Variants in GALNT16 observed in about 807,000 individuals in gnomAD.
GALNT16 encodes the protein UDP-GalNAc:polypeptide N-acetylgalactosaminyltransferase-like protein 1.
GALNT16 carries 40 observed loss-of-function variants against 76.1 expected under a neutral mutation model. The observed-to-expected ratio is 0.53, with a 90% CI of 0.41 to 0.68. The LOEUF is 0.68. GALNT16 is among the 30% of genes least tolerant of loss of function. The probability of loss-of-function intolerance (pLI) is 0.00; values close to 1 mark genes in which losing one functional copy is unlikely to be tolerated. For synonymous variants in GALNT16, 276 were observed against 285.2 expected (o/e 0.97, Z 0.32); for missense variants, 621 against 731.9 (o/e 0.85, Z 1.75).
chr14:69,298,315 C>T (rs1257489227), intron 1 of GALNT16, among the ~76,000 whole-genome samples: 1 of 152,216 alleles, frequency 6.6e-6, no homozygotes, highest in Admixed American at 6.5e-5. Context: ...CCTCTCTCTG[C>T]CCCTGGAGGG....
chr14:69,363,178 C>T, the GALNT16 span, among the ~76,000 whole-genome samples: 125 of 152,294 alleles, frequency 8.2e-4, 1 homozygote, highest in African/African-American at 2.9e-3. Flanking sequence ...ATGCAGGCTG[C>T]GGAGACAGTC....
chr14:69,330,529 T>C (rs1245525961), intron 6 of GALNT16, among the ~76,000 whole-genome samples: 1 of 152,082 alleles, frequency 6.6e-6, no homozygotes, highest in Non-Finnish European at 1.5e-5. Context: ...CAAAAAAAAG[T>C]CTATAAAAAG....
At chr14:69,372,442 A>G in the GALNT16 span, among the ~76,000 whole-genome samples, 1 of 151,210 alleles carries the variant, frequency 6.6e-6, no homozygotes, top group Admixed American at 6.6e-5. Flanking sequence ...CCATTCACAC[A>G]TAGGTCACAA....
At chr14:69,366,797 C>T in the GALNT16 span, among the ~76,000 whole-genome samples, 1 of 152,142 alleles carries the variant, frequency 6.6e-6, no homozygotes, top group African/African-American at 2.4e-5. Flanking sequence ...ATGTTGAGAA[C>T]CTATGATTTA....
chr14:69,313,851 C>T (rs181203374), intron 1 of GALNT16, among the ~76,000 whole-genome samples: 1 of 152,334 alleles, frequency 6.6e-6, no homozygotes, highest in East Asian at 1.9e-4. Context: ...CTGGTCAATA[C>T]AAATATAGGC....
In GALNT16 at chr14:69,352,242, A is replaced by C. The variant is rs2045647331; in HGVS notation, c.*74A>C. ...GAAGGGGGTTAGGGTGGGGGAGTGC[A>C]AAGTGGGCTGTTCCCATCTCCTCAC... On this transcript the variant is annotated 3_prime_UTR_variant, in exon 15 of 15. Coordinates refer to ENST00000448469, the MANE Select transcript of GALNT16 (RefSeq NM_001168368.2). 15 of 1,315,960 alleles carry C rather than the reference A, an allele frequency of 1.1e-5. No individual in the cohort carries two copies. Among genetic ancestry groups the C allele is most frequent in the African/African-American group, 1.5e-5 (1 of 67,832 alleles). 81.5% of individuals were successfully genotyped at this position (1,315,960 alleles called of 1,614,324 possible).
chr14:69,268,798 T>A (rs749920793), intron 1 of GALNT16, among the ~76,000 whole-genome samples: 2 of 152,156 alleles, frequency 1.3e-5, no homozygotes, highest in Non-Finnish European at 2.9e-5. Context: ...TAAGACTTCA[T>A]TGGAGATGGC....
chr14:69,382,789 CAAAAGAAA>C, the GALNT16 span, among the ~76,000 whole-genome samples: 1 of 103,134 alleles, frequency 9.7e-6, no homozygotes, highest in African/African-American at 3.7e-5. Context: ...ACTCTATCTC[CAAAAGAAA>C]AAAAAAAAAA....
intron 2 of GALNT16, among the ~76,000 whole-genome samples, chr14:69,324,232 GATTCCTCTGCAGATTC>G (rs1202478533): frequency 6.6e-6 from 1 of 152,074 alleles, no homozygotes; most frequent in East Asian, 1.9e-4. Context: ...GGGTAGGGGT[GATTCCTCTGCAGATTC>G]TACCAAATGT....
intron 1 of GALNT16, among the ~76,000 whole-genome samples, chr14:69,281,346 G>T (rs1474530016): frequency 2.0e-5 from 3 of 152,194 alleles, no homozygotes; most frequent in Non-Finnish European, 4.4e-5. Context: ...ACAGTGCTAG[G>T]ATATACAGCA....
intron 1 of GALNT16, among the ~76,000 whole-genome samples, chr14:69,275,823 C>A (rs2140109679): frequency 6.6e-6 from 1 of 152,354 alleles, no homozygotes; most frequent in South Asian, 2.1e-4. Context: ...GATCATGCCA[C>A]TGCACTCCAG....
the GALNT16 span, among the ~76,000 whole-genome samples, chr14:69,383,976 T>G: frequency 6.6e-6 from 1 of 152,128 alleles, no homozygotes; most frequent in African/African-American, 2.4e-5. Context: ...AGCAAGACCC[T>G]GTCTCTAAAA....
Position 69,339,538 on chromosome 14 carries a change from G to A in GALNT16, c.1106G>A (p.Arg369His), listed in dbSNP as rs778928386. The part of the protein sequence containing the change: ...NALTYIRNTK[R>H]TAEVWMDEYK... ...TCCTCTCCTTTTAGGAATACTAAGCGCACTGCAGAAGTGTGGATGGATGAA... is the reference window on the plus strand; with the variant it reads ...TCCTCTCCTTTTAGGAATACTAAGCACACTGCAGAAGTGTGGATGGATGAA... Residue 369 changes from arginine to histidine, a missense_variant, in exon 11 of 15, where the codon CGC (arginine) becomes CAC (histidine). Arg to His is a conservative substitution (Grantham distance 29). Coordinates refer to ENST00000448469, the MANE Select transcript of GALNT16 (RefSeq NM_001168368.2). The A allele has an allele frequency of 1.1e-5, 17 of 1,606,924 alleles. No homozygotes were observed. The highest frequency in any genetic ancestry group is 9.4e-5 in the African/African-American group (7 of 74,774).
intron 1 of GALNT16, among the ~76,000 whole-genome samples, chr14:69,282,652 A>ATTTC (rs2044559907): frequency 1.9e-5 from 2 of 106,462 alleles, no homozygotes; most frequent in African/African-American, 4.0e-5. Flanking sequence ...AATTTGTCCT[A>ATTTC]TTTATTTATT....
At chr14:69,305,186 TGAGA>T (rs994481652) in intron 1 of GALNT16, among the ~76,000 whole-genome samples, 15 of 146,348 alleles carry the variant, frequency 1.0e-4, no homozygotes, top group Non-Finnish European at 1.8e-4. Context: ...TTTTTTTTTT[TGAGA>T]GAGAGTCTCA....
intron 9 of GALNT16, among the ~76,000 whole-genome samples, chr14:69,335,413 T>A (rs1310938150): frequency 6.6e-6 from 1 of 152,242 alleles, no homozygotes; most frequent in Non-Finnish European, 1.5e-5. Context: ...ACCCGCTTTG[T>A]GTCTTCAATC....
chr14:69,337,966 G>A (rs938306340), intron 9 of GALNT16, among the ~76,000 whole-genome samples: 2 of 152,232 alleles, frequency 1.3e-5, no homozygotes, highest in East Asian at 1.9e-4. Context: ...CTGTCAAGGT[G>A]GGTCCTTACC....
chr14:69,347,215 G>T, intron 13 of GALNT16, 34 bp downstream of exon 13: 1 of 1,563,138 alleles, frequency 6.4e-7, no homozygotes, highest in Non-Finnish European at 8.7e-7. Context: ...GAGTGGGAGA[G>T]AGCTGGAGGC....
At chr14:69,369,853 C>G in the GALNT16 span, among the ~76,000 whole-genome samples, 1 of 152,174 alleles carries the variant, frequency 6.6e-6, no homozygotes, top group South Asian at 2.1e-4. Context: ...TACTTCCCAA[C>G]CAGACTGGGG....
Sources: gnomAD v4.1 joint callset for allele counts (sites outside exome capture counted in the v4.1 genomes callset) on GRCh38, gnomAD v4.1.1 for gene constraint, MANE v1.5 for transcripts, NCBI Gene and HGNC (gene_info 2026-07-23, HGNC 2026-07-21) for gene names.